The following FNDC3B variants were observed in gnomAD, a reference collection of about 807,000 sequenced individuals.
The protein encoded by FNDC3B is fibronectin type III domain-containing protein 3B.
A neutral mutation model predicts 151.5 loss-of-function variants in FNDC3B; 12 were observed. That is an observed-to-expected ratio of 0.08 (90% CI 0.05 to 0.13). FNDC3B has a LOEUF of 0.13. Ranked by LOEUF, FNDC3B falls within the 10% of genes least tolerant of loss-of-function variation. The pLI, the probability that FNDC3B is intolerant of heterozygous loss-of-function variation, is 1.00. For synonymous variants in FNDC3B, 528 were observed against 549.0 expected (o/e 0.96, Z 0.54); for missense variants, 1,214 against 1,505.3 (o/e 0.81, Z 3.20).
intron 1 of FNDC3B, among the ~76,000 whole-genome samples, chr3:172,098,485 C>T (rs1186785977): frequency 1.3e-5 from 2 of 151,984 alleles, no homozygotes; most frequent in Non-Finnish European, 2.9e-5. Flanking sequence ...TTTAAGGAAT[C>T]GGTATTTAAG....
intron 23 of FNDC3B, among the ~76,000 whole-genome samples, chr3:172,363,569 G>T: frequency 6.6e-6 from 1 of 152,298 alleles, no homozygotes; most frequent in South Asian, 2.1e-4. Context: ...GGGAATGGGA[G>T]ATCACCATAA....
At chr3:172,168,011 A>G (rs368574870) in intron 3 of FNDC3B, among the ~76,000 whole-genome samples, 1 of 152,228 alleles carries the variant, frequency 6.6e-6, no homozygotes, top group Non-Finnish European at 1.5e-5. Flanking sequence ...GACATATTCC[A>G]GTGGTGTTTA....
At chr3:172,147,787 G>T (rs1164306567) in intron 3 of FNDC3B, among the ~76,000 whole-genome samples, 1 of 151,244 alleles carries the variant, frequency 6.6e-6, no homozygotes, top group Non-Finnish European at 1.5e-5. Context: ...GTCGGGGTTG[G>T]TGACATTTGT....
intron 3 of FNDC3B, among the ~76,000 whole-genome samples, chr3:172,134,703 A>T (rs907446243): frequency 6.6e-6 from 1 of 152,154 alleles, no homozygotes; most frequent in African/African-American, 2.4e-5. Context: ...ATTCAAGGCT[A>T]ATGAGTTTTA....
intron 1 of FNDC3B, among the ~76,000 whole-genome samples, chr3:172,083,070 C>T (rs908051300): frequency 6.6e-6 from 1 of 152,170 alleles, no homozygotes; most frequent in Non-Finnish European, 1.5e-5. Context: ...AGAACAACAT[C>T]TCAGAATAAA....
chr3:172,235,076 GA>G (rs1404100293), intron 4 of FNDC3B, among the ~76,000 whole-genome samples: 2 of 152,042 alleles, frequency 1.3e-5, no homozygotes, highest in Non-Finnish European at 2.9e-5. Flanking sequence ...AGGTACAAAG[GA>G]GACCAGTTTT....
chr3:172,370,788 A>G (rs1347793268), intron 23 of FNDC3B, among the ~76,000 whole-genome samples: 1 of 152,202 alleles, frequency 6.6e-6, no homozygotes, highest in Non-Finnish European at 1.5e-5. Flanking sequence ...ATTTTTAAAT[A>G]TCTTTATTTT....
chr3:172,221,254 A>T (rs1726264060), intron 3 of FNDC3B, among the ~76,000 whole-genome samples: 1 of 152,154 alleles, frequency 6.6e-6, no homozygotes, highest in Non-Finnish European at 1.5e-5. Context: ...TACTTCTTCC[A>T]ATTTGGATGC....
intron 3 of FNDC3B, among the ~76,000 whole-genome samples, chr3:172,140,666 A>G (rs1360423061): frequency 6.6e-6 from 1 of 152,236 alleles, no homozygotes; most frequent in East Asian, 1.9e-4. Context: ...GAATGAGAGC[A>G]AAGGCTGTGA....
At chr3:172,128,995 T>A (rs559673388) in intron 2 of FNDC3B, among the ~76,000 whole-genome samples, 1 of 152,154 alleles carries the variant, frequency 6.6e-6, no homozygotes, top group African/African-American at 2.4e-5. Context: ...TGGGAGACAG[T>A]CTTGCTCTGT....
chr3:172,064,120 C>T (rs1717366199), intron 1 of FNDC3B, among the ~76,000 whole-genome samples: 1 of 152,012 alleles, frequency 6.6e-6, no homozygotes. Flanking sequence ...CCAGCCTGGA[C>T]AACATAGCAA....
intron 13 of FNDC3B, 62 bp downstream of exon 13, chr3:172,330,777 A>G (rs376627301): frequency 2.7e-5 from 35 of 1,318,724 alleles, no homozygotes; most frequent in East Asian, 2.4e-4. Flanking sequence ...TTATAGCTAC[A>G]GGGCACCATG....
At chr3:172,215,817 G>A (rs919255017) in intron 3 of FNDC3B, among the ~76,000 whole-genome samples, 2 of 152,166 alleles carry the variant, frequency 1.3e-5, no homozygotes, top group African/African-American at 4.8e-5. Flanking sequence ...TCTACAAAAT[G>A]AGTAAACTTT....
rs565916567 is a variant in FNDC3B, at chr3:172,187,421, G to A, written c.188-39450G>A. The A allele has an allele frequency of 5.3e-5, 8 of 152,266 alleles. No homozygotes were observed. The East Asian group carries it at 1.2e-3, about 22-fold the overall frequency. The allele number at this position is 152,266 out of a possible 1,614,324, so 9.4% of individuals were successfully genotyped here. ...TGTCGTGAGTCCTGTTCATCTCTCTGCCCCTTGGTGGGATGCCTAGCACTT... is the reference window on the plus strand; with the variant it reads ...TGTCGTGAGTCCTGTTCATCTCTCTACCCCTTGGTGGGATGCCTAGCACTT... On this transcript the variant is annotated intron_variant, in intron 3 of 25. Transcript: ENST00000415807.
chr3:172,317,138 G>A (rs1167917390), intron 11 of FNDC3B: 2 of 444,022 alleles, frequency 4.5e-6, no homozygotes, highest in Non-Finnish European at 8.9e-6. Flanking sequence ...AAAAAAAAAT[G>A]ACCACCTCTC....
intron 2 of FNDC3B, among the ~76,000 whole-genome samples, chr3:172,122,473 T>G (rs1647417460): frequency 6.6e-6 from 1 of 152,280 alleles, no homozygotes; most frequent in South Asian, 2.1e-4. Flanking sequence ...TGGTCAGCTT[T>G]AATGTTACAA....
intron 13 of FNDC3B, among the ~76,000 whole-genome samples, chr3:172,331,111 A>G (rs1476343277): frequency 3.9e-5 from 6 of 152,150 alleles, no homozygotes; most frequent in Admixed American, 3.3e-4. Flanking sequence ...TCCTAACTTC[A>G]TCCTTACTAG....
At chr3:172,078,541 C>A (rs1389558216) in intron 1 of FNDC3B, among the ~76,000 whole-genome samples, 1 of 152,194 alleles carries the variant, frequency 6.6e-6, no homozygotes, top group Admixed American at 6.5e-5. Flanking sequence ...AGAATGTATT[C>A]CTTACCTTTT....
At chr3:172,301,321 A>T (rs892870110) in intron 9 of FNDC3B, among the ~76,000 whole-genome samples, 2 of 152,262 alleles carry the variant, frequency 1.3e-5, no homozygotes, top group Non-Finnish European at 2.9e-5. Flanking sequence ...GTTTGATCAT[A>T]TCACTCACAT....
Sources: gnomAD v4.1 joint callset for allele counts (sites outside exome capture counted in the v4.1 genomes callset) on GRCh38, gnomAD v4.1.1 for gene constraint, MANE v1.5 for transcripts, NCBI Gene and HGNC (gene_info 2026-07-23, HGNC 2026-07-21) for gene names.